The following SLCO1A2 variants were observed in gnomAD, a reference collection of about 807,000 sequenced individuals.
The protein encoded by SLCO1A2 is solute carrier organic anion transporter family member 1A2.
SLCO1A2 carries 67 observed loss-of-function variants against 69.0 expected under a neutral mutation model. The observed-to-expected ratio is 0.97, with a 90% confidence interval of 0.80 to 1.19. SLCO1A2 has a LOEUF of 1.19. Among genes scored for constraint, SLCO1A2 ranks in the 50% most tolerant of loss-of-function variants. SLCO1A2 has a pLI of 0.00. For synonymous variants in SLCO1A2, 260 were observed against 265.9 expected, an observed-to-expected ratio of 0.98 and a Z score of 0.22; for missense variants, 787 against 793.7, an observed-to-expected ratio of 0.99 and a Z score of 0.10.
chr12:21,390,535 C>G (rs1278560191), intron 1 of SLCO1A2, among the ~76,000 whole-genome samples: 1 of 152,140 alleles, frequency 6.6e-6, no homozygotes, highest in Non-Finnish European at 1.5e-5. Flanking sequence ...TCCTAGTCTA[C>G]ATTTTCCTAT....
chr12:21,391,943 TC>T (rs756500817), intron 1 of SLCO1A2, among the ~76,000 whole-genome samples: 17 of 152,172 alleles, frequency 1.1e-4, no homozygotes, highest in Non-Finnish European at 2.4e-4. Flanking sequence ...CCTTCTGCCT[TC>T]CTTTTTCTCC....
Position 21,272,282 on chromosome 12 carries a change from T to TATC in SLCO1A2, c.1793+2184_1793+2186dup, listed in dbSNP as rs1214840740. On this transcript the variant is annotated intron_variant, in intron 14 of 14. Coordinates refer to ENST00000683939, the MANE Select transcript of SLCO1A2 (RefSeq NM_001386879.1). ...TATATGTTTATACAGAATATACATT[T>TATC]ATCTGTATATTCAATTACTCTTGTA... Among the ~76,000 whole-genome samples, 24 of 152,070 alleles carry TATC rather than the reference T, an allele frequency of 1.6e-4. No homozygotes were observed. In the East Asian group the frequency reaches 4.6e-3, roughly 29 times the overall value.
chr12:21,270,851 T>G (rs1203339433), intron 14 of SLCO1A2, among the ~76,000 whole-genome samples: 1 of 151,754 alleles, frequency 6.6e-6, no homozygotes, highest in African/African-American at 2.4e-5. Context: ...TTGTGCCTCC[T>G]CTCTTTATTT....
At chr12:21,394,578 CACAA>C (rs1941334343) in intron 1 of SLCO1A2, among the ~76,000 whole-genome samples, 1 of 118,878 alleles carries the variant, frequency 8.4e-6, no homozygotes, top group South Asian at 2.7e-4. Flanking sequence ...CACACACACA[CACAA>C]CAAAAAACAA....
At chr12:21,349,857 C>T (rs1315434985) in intron 2 of SLCO1A2, among the ~76,000 whole-genome samples, 1 of 152,110 alleles carries the variant, frequency 6.6e-6, no homozygotes, top group East Asian at 1.9e-4. Flanking sequence ...TGGAACATAA[C>T]CTTAAATGCT....
At chr12:21,275,309 A>G (rs1477793479) in intron 13 of SLCO1A2, 51 bp downstream of exon 13, 1 of 1,410,640 alleles carries the variant, frequency 7.1e-7, no homozygotes, top group Non-Finnish European at 9.6e-7. Context: ...ATAAAAAATA[A>G]TAATAATAAT....
intron 2 of SLCO1A2, among the ~76,000 whole-genome samples, chr12:21,319,859 G>A (rs1337336342): frequency 6.6e-6 from 1 of 152,010 alleles, no homozygotes; most frequent in Admixed American, 6.6e-5. Flanking sequence ...TGGTTTTACT[G>A]AAAATATGAA....
At chr12:21,409,416 G>A (rs1054957162) in intron 1 of SLCO1A2, among the ~76,000 whole-genome samples, 10 of 152,226 alleles carry the variant, frequency 6.6e-5, no homozygotes, top group Middle Eastern at 6.8e-3. Flanking sequence ...ACACAGCCAC[G>A]TTCAATCATT....
At chr12:21,318,374 C>T (rs779941986) in intron 3 of SLCO1A2, among the ~76,000 whole-genome samples, 3 of 152,158 alleles carry the variant, frequency 2.0e-5, no homozygotes, top group Non-Finnish European at 2.9e-5. Context: ...CCATCTCCGC[C>T]TCCCAAAGTG....
chr12:21,385,062 G>C (rs1940807614), intron 1 of SLCO1A2, among the ~76,000 whole-genome samples: 2 of 152,182 alleles, frequency 1.3e-5, no homozygotes, highest in African/African-American at 4.8e-5. Flanking sequence ...ACTTCGCCCG[G>C]CCAGATTTTT....
At chr12:21,270,095 G>A (rs1385143195) in intron 14 of SLCO1A2, among the ~76,000 whole-genome samples, 1 of 151,664 alleles carries the variant, frequency 6.6e-6, no homozygotes, top group African/African-American at 2.4e-5. Context: ...TTTTATTCTA[G>A]TATTTAGTAA....
chr12:21,413,762 G>A (rs752429553), intron 1 of SLCO1A2, among the ~76,000 whole-genome samples: 5 of 152,030 alleles, frequency 3.3e-5, no homozygotes, highest in Non-Finnish European at 7.4e-5. Flanking sequence ...CATTCCTAGC[G>A]CCAGGACCCA....
At chr12:21,362,900 C>T (rs1386289139) in intron 2 of SLCO1A2, among the ~76,000 whole-genome samples, 2 of 152,264 alleles carry the variant, frequency 1.3e-5, no homozygotes, top group Middle Eastern at 6.8e-3. Flanking sequence ...TAAAGCAAGT[C>T]ATTAGAGACC....
chr12:21,417,922 C>G (rs1019331031), exon 1 of SLCO1A2: 5 of 152,172 alleles, frequency 3.3e-5, no homozygotes, highest in African/African-American at 9.7e-5. Flanking sequence ...TTCTGCAAGA[C>G]TTTCCCACTA....
At chr12:21,368,793 G>C (rs1939577642) in intron 2 of SLCO1A2, among the ~76,000 whole-genome samples, 1 of 152,046 alleles carries the variant, frequency 6.6e-6, no homozygotes, top group Admixed American at 6.6e-5. Flanking sequence ...ATAGAAAAAA[G>C]ATGTACACCT....
intron 4 of SLCO1A2, among the ~76,000 whole-genome samples, chr12:21,313,327 G>A (rs1187016113): frequency 6.6e-6 from 1 of 152,218 alleles, no homozygotes; most frequent in Non-Finnish European, 1.5e-5. Flanking sequence ...CAATTTGTGA[G>A]AAATGTAATA....
At chr12:21,307,076 A>T in intron 4 of SLCO1A2, 88 bp from the exon 5 acceptor site, 2 of 799,072 alleles carry the variant, frequency 2.5e-6, no homozygotes, top group Admixed American at 4.5e-5. Flanking sequence ...TCTGCTTCCC[A>T]TACAACACAA....
chr12:21,337,310 C>T (rs911105269), upstream of SLCO1A2, among the ~76,000 whole-genome samples: 3 of 151,952 alleles, frequency 2.0e-5, no homozygotes, highest in African/African-American at 4.8e-5. Flanking sequence ...AACAATAATA[C>T]AAAGTTTTAT....
At chr12:21,291,079 A>G (rs975654225) in intron 12 of SLCO1A2, among the ~76,000 whole-genome samples, 2 of 152,192 alleles carry the variant, frequency 1.3e-5, no homozygotes, top group African/African-American at 4.8e-5. Flanking sequence ...TCAGTGTATC[A>G]GGACATCACA....
Sources: gnomAD v4.1 joint callset for allele counts (sites outside exome capture counted in the v4.1 genomes callset) on GRCh38, gnomAD v4.1.1 for gene constraint, MANE v1.5 for transcripts, NCBI Gene and HGNC (gene_info 2026-07-23, HGNC 2026-07-21) for gene names.